The following PRH1 variants were observed in gnomAD, a reference collection of about 807,000 sequenced individuals.
PRH1 encodes proline rich protein HaeIII subfamily 1.
PRH1 carries 7 observed loss-of-function variants against 7.9 expected under a neutral mutation model. The observed-to-expected ratio is 0.89, with a 90% CI of 0.50 to 1.67. The LOEUF (loss-of-function observed/expected upper bound fraction) is 1.67. Among genes scored for constraint, PRH1 ranks in the 40% most tolerant of loss-of-function variants. The probability of loss-of-function intolerance (pLI) is 0.00; values close to 1 mark genes in which losing one functional copy is unlikely to be tolerated. For synonymous variants in PRH1, 45 were observed against 80.8 expected, an observed-to-expected ratio of 0.56 and a Z score of 2.38; for missense variants, 109 against 223.6, an observed-to-expected ratio of 0.49 and a Z score of 3.27.
intron 2 of PRH1, among the ~76,000 whole-genome samples, chr12:10,917,434 C>T (rs1310390954): frequency 6.6e-6 from 1 of 152,124 alleles, no homozygotes; most frequent in Non-Finnish European, 1.5e-5. Context: ...ACATTAAAAT[C>T]AGTTCTTCTG....
chr12:10,904,516 C>A (rs1160160444), intron 2 of PRH1, among the ~76,000 whole-genome samples: 1 of 152,134 alleles, frequency 6.6e-6, no homozygotes, highest in Admixed American at 6.5e-5. Context: ...TCACCATATA[C>A]AAAAATTAAC....
rs1945128788 is a variant in PRH1, at chr12:11,098,478, T to A, written n.124-51290A>T. 1.3e-5 allele frequency among the ~76,000 whole-genome samples: 2 copies of A among 152,200 alleles called. 1 individual carries two copies. The highest frequency in any genetic ancestry group is 2.9e-5 in the Non-Finnish European group (2 of 68,030). Reference sequence around the variant, plus strand: ...ACTGGAAACCTGAATCCTCATTTGCTAGTACACAAATAAGAACGTACTCTC... The same window carrying A: ...ACTGGAAACCTGAATCCTCATTTGCAAGTACACAAATAAGAACGTACTCTC... On this transcript the variant is annotated intron_variant and non_coding_transcript_variant, in intron 1 of 4. Coordinates refer to the PRH1 transcript ENST00000541977.
upstream of PRH1, chr12:11,048,906 A>G (rs1301760611): frequency 7.4e-6 from 2 of 271,768 alleles, no homozygotes; most frequent in Admixed American, 7.8e-5. Flanking sequence ...GGTGGAGAAA[A>G]ATAAGGTTGG....
intron 1 of PRH1, among the ~76,000 whole-genome samples, chr12:11,030,025 T>C (rs972535146): frequency 2.6e-5 from 4 of 152,222 alleles, no homozygotes; most frequent in Non-Finnish European, 5.9e-5. Flanking sequence ...ATATTTATCC[T>C]GGGATAAGCT....
At chr12:11,061,924 C>G (rs761078116) in intron 1 of PRH1, 3 of 1,613,978 alleles carry the variant, frequency 1.9e-6, no homozygotes, top group South Asian at 2.2e-5. Flanking sequence ...ACTCTTAACT[C>G]TCCTCTTTAA....
At chr12:11,068,604 T>TTTAA (rs1474035304) in intron 1 of PRH1, among the ~76,000 whole-genome samples, 1 of 152,220 alleles carries the variant, frequency 6.6e-6, no homozygotes, top group East Asian at 1.9e-4. Context: ...ATAACTCATA[T>TTTAA]TTGATTATAG....
rs561760504 is a variant in PRH1, at chr12:10,938,207, A to G, written c.-59+35448T>C. On this transcript the variant is annotated intron_variant, in intron 2 of 3. Transcript: ENST00000539853. ...AAGAATCTTAAGGAAGTATAAATTT[A>G]TATAACATACAAGAATTTCTTAGGA... 11 of 1,265,186 alleles carry G rather than the reference A, an allele frequency of 8.7e-6. No individual in the cohort carries two copies. In the South Asian group the frequency reaches 1.6e-4, roughly 19 times the overall value. The allele number at this position is 1,265,186 out of a possible 1,614,324, so 78.4% of individuals were successfully genotyped here. A position where few individuals can be genotyped will look rare whatever the true frequency, so the allele number is the denominator to read the frequency against.
chr12:11,008,131 C>T (rs773714599), intron 1 of PRH1, among the ~76,000 whole-genome samples: 12 of 151,796 alleles, frequency 7.9e-5, no homozygotes, highest in South Asian at 2.1e-4. Flanking sequence ...AATAAAGCTA[C>T]GGAAAAATAC....
chr12:11,091,361 A>G (rs111846092), intron 1 of PRH1: 1 of 910,788 alleles, frequency 1.1e-6, no homozygotes, highest in East Asian at 2.9e-5. Context: ...AACTGAAAGA[A>G]AAGTCTGCTT....
intron 1 of PRH1, chr12:10,996,947 T>G (rs1565533740): frequency 6.2e-7 from 1 of 1,600,236 alleles, no homozygotes; most frequent in South Asian, 1.1e-5. Flanking sequence ...CTTGTGAATC[T>G]ATGGAGTTGA....
intron 1 of PRH1, chr12:11,133,344 C>T (rs566536126): frequency 4.3e-6 from 7 of 1,613,534 alleles, no homozygotes; most frequent in Middle Eastern, 1.6e-4. Flanking sequence ...CTGTCTTTCA[C>T]CCAGTACCTC....
rs1591643197 is a variant in PRH1, at chr12:10,882,274, G to A, written c.525C>T (p.Gly175=). Residue 175 remains glycine, a synonymous_variant, in exon 3 of 4, where the codon GGC becomes GGT. Transcript: ENST00000543626. ...GKPQGPPPQG[G]RPQGPPQGQS... is the part of the protein sequence containing the mutation. ...GCCCCTGTGGAGGTCCTTGTGGGCG[G>A]CCCCCTTGGGGAGGTGGTCCCTGGG... The A allele has an allele frequency of 1.2e-6, 2 of 1,612,822 alleles. No homozygotes were observed. Among genetic ancestry groups the A allele is most frequent in the Non-Finnish European group, 1.7e-6 (2 of 1,179,594 alleles).
At chr12:11,099,902 T>G (rs1945184570) in intron 1 of PRH1, among the ~76,000 whole-genome samples, 1 of 152,156 alleles carries the variant, frequency 6.6e-6, no homozygotes, top group African/African-American at 2.4e-5. Flanking sequence ...TGGCAAAGGT[T>G]TGTCCTGTGA....
chr12:11,028,000 G>A (rs527589698), intron 1 of PRH1, among the ~76,000 whole-genome samples: 11 of 152,306 alleles, frequency 7.2e-5, no homozygotes, highest in African/African-American at 2.6e-4. Flanking sequence ...GTATGAGCAC[G>A]CCTCAGTGGC....
At chr12:10,952,713 T>G (rs188236864) in intron 2 of PRH1, among the ~76,000 whole-genome samples, 1 of 152,244 alleles carries the variant, frequency 6.6e-6, no homozygotes, top group Admixed American at 6.5e-5. Context: ...TCTGGGAAAA[T>G]TAAATATCCA....
chr12:11,017,309 G>T (rs914930386), intron 1 of PRH1, among the ~76,000 whole-genome samples: 10 of 152,054 alleles, frequency 6.6e-5, no homozygotes, highest in Middle Eastern at 3.4e-3. Flanking sequence ...ACGGTAATTG[G>T]TACAATAACC....
chr12:10,972,283 C>T (rs1458334057), intron 2 of PRH1, among the ~76,000 whole-genome samples: 1 of 152,210 alleles, frequency 6.6e-6, no homozygotes, highest in East Asian at 1.9e-4. Context: ...GGGCATGATC[C>T]CCCTTAAGGT....
chr12:11,038,128 A>C (rs1212240292), intron 1 of PRH1, among the ~76,000 whole-genome samples: 2 of 152,270 alleles, frequency 1.3e-5, no homozygotes, highest in East Asian at 3.8e-4. Context: ...AAAAACTCTA[A>C]TTACAATGGT....
chr12:10,992,800 A>G (rs1940005126), intron 1 of PRH1, among the ~76,000 whole-genome samples: 1 of 152,144 alleles, frequency 6.6e-6, no homozygotes, highest in Non-Finnish European at 1.5e-5. Context: ...TATATTTATT[A>G]TCTCTTCCAG....
Sources: gnomAD v4.1 joint callset for allele counts (sites outside exome capture counted in the v4.1 genomes callset) on GRCh38, gnomAD v4.1.1 for gene constraint, MANE v1.5 for transcripts, NCBI Gene and HGNC (gene_info 2026-07-23, HGNC 2026-07-21) for gene names.